Variants in PLGRKT observed in about 807,000 individuals in gnomAD.
PLGRKT encodes the protein plasminogen receptor (KT).
A neutral mutation model predicts 18.5 loss-of-function variants in PLGRKT; 22 were observed. That is an observed-to-expected ratio of 1.19 (90% confidence interval 0.85 to 1.70). PLGRKT has a LOEUF of 1.70. Ranked by LOEUF, PLGRKT falls within the 40% of genes most tolerant of loss-of-function variation. The probability of loss-of-function intolerance (pLI) is 0.00; values close to 1 mark genes in which losing one functional copy is unlikely to be tolerated. For synonymous variants in PLGRKT, 72 were observed against 52.8 expected (o/e 1.36, Z -1.58); for missense variants, 235 against 174.4 (o/e 1.35, Z -1.96).
chr9:5,367,560 C>G (rs1160408551), intron 3 of PLGRKT, among the ~76,000 whole-genome samples: 1 of 152,078 alleles, frequency 6.6e-6, no homozygotes, highest in Non-Finnish European at 1.5e-5. Flanking sequence ...AAAATGGACC[C>G]CTACCTATCA....
intron 5 of PLGRKT, among the ~76,000 whole-genome samples, chr9:5,359,428 C>A (rs1817212550): frequency 6.6e-6 from 1 of 152,134 alleles, no homozygotes; most frequent in African/African-American, 2.4e-5. Context: ...GCATTTCAAT[C>A]ATCTGCAAAT....
rs146130552 is a variant in PLGRKT, at chr9:5,400,729, G to A, written c.81+31168C>T. Among the ~76,000 whole-genome samples, 127 of 152,040 alleles carry A rather than the reference G, an allele frequency of 8.4e-4. No homozygotes were observed. In the East Asian group the frequency reaches 0.018, roughly 22 times the overall value. On this transcript the variant is annotated intron_variant, in intron 3 of 5. Coordinates refer to ENST00000223864, the MANE Select transcript of PLGRKT (RefSeq NM_018465.4). ...TGAATAGTACAGAGGCTGGCATATT[G>A]TTATTGTTTAATAAGCATTGAATAA...
rs370212099 is a variant in PLGRKT at position 5,418,649 on chromosome 9, C to T, written c.81+13248G>A. On this transcript the variant is annotated intron_variant, in intron 3 of 5. Coordinates refer to ENST00000223864, the MANE Select transcript of PLGRKT (RefSeq NM_018465.4). The surrounding 1 kb of genome is among the most constrained non-coding windows in gnomAD (Gnocchi z 4.2). ...CGGCTCATATCTCCGGGCAGCAGCG[C>T]GTGCTCCTTGGAGATGGGCAGGGGC... 4.2e-5 allele frequency: 29 copies of T among 688,900 alleles called. 1 individual carries two copies. Among genetic ancestry groups the T allele is most frequent in the Middle Eastern group, 2.5e-4 (1 of 4,066 alleles). The allele number at this position is 688,900 out of a possible 1,614,324, so 42.7% of individuals were successfully genotyped here.
At chr9:5,388,033 G>C (rs993107197) in intron 3 of PLGRKT, among the ~76,000 whole-genome samples, 2 of 151,938 alleles carry the variant, frequency 1.3e-5, no homozygotes, top group Non-Finnish European at 2.9e-5. Flanking sequence ...GCAGTCTGTA[G>C]TTATGGCCAA....
chr9:5,378,158 G>A (rs1228986714), intron 3 of PLGRKT, among the ~76,000 whole-genome samples: 1 of 152,182 alleles, frequency 6.6e-6, no homozygotes, highest in African/African-American at 2.4e-5. Flanking sequence ...GCAACCAAGG[G>A]CTACCAGACA....
intron 3 of PLGRKT, among the ~76,000 whole-genome samples, chr9:5,370,129 C>T (rs1301973531): frequency 6.6e-6 from 1 of 151,778 alleles, no homozygotes; most frequent in African/African-American, 2.4e-5. Context: ...TAAAAGGAAG[C>T]TAGCATATCA....
chr9:5,419,867 C>G (rs901005614), intron 3 of PLGRKT, among the ~76,000 whole-genome samples: 1 of 152,210 alleles, frequency 6.6e-6, no homozygotes, highest in African/African-American at 2.4e-5. Context: ...AACTCCATTA[C>G]TAGGTATATA....
At chr9:5,411,244 C>T (rs1400278749) in intron 3 of PLGRKT, among the ~76,000 whole-genome samples, 1 of 151,706 alleles carries the variant, frequency 6.6e-6, no homozygotes, top group East Asian at 1.9e-4. Flanking sequence ...ATTAGCCGGG[C>T]CACAGTGGCA....
intron 4 of PLGRKT, 39 bp from the exon 5 acceptor site, chr9:5,361,226 T>C (rs201909330): frequency 5.8e-6 from 7 of 1,206,944 alleles, no homozygotes; most frequent in Non-Finnish European, 8.5e-6. Context: ...TATCAAAAAA[T>C]AACCTGTAAA....
intron 3 of PLGRKT, among the ~76,000 whole-genome samples, chr9:5,367,735 C>G (rs747598528): frequency 6.6e-6 from 1 of 152,096 alleles, no homozygotes; most frequent in Non-Finnish European, 1.5e-5. Context: ...CAAAAATTGA[C>G]AAATGTTACC....
intron 3 of PLGRKT, among the ~76,000 whole-genome samples, chr9:5,407,973 T>C (rs1299936161): frequency 6.6e-6 from 1 of 152,202 alleles, no homozygotes; most frequent in Non-Finnish European, 1.5e-5. Context: ...CATTGCCTAA[T>C]CTGTATATAG....
At chr9:5,397,428 A>G (rs1818071432) in intron 3 of PLGRKT, among the ~76,000 whole-genome samples, 2 of 151,904 alleles carry the variant, frequency 1.3e-5, no homozygotes, top group Admixed American at 6.5e-5. Context: ...TGTCATTTCT[A>G]TTAAACGTAG....
At position 5,367,067 on chromosome 9, in the gene PLGRKT, A is replaced by C. The variant is rs756829540; in HGVS notation, c.82-5179T>G. On this transcript the variant is annotated intron_variant, in intron 3 of 5. Coordinates refer to ENST00000223864, the MANE Select transcript of PLGRKT (RefSeq NM_018465.4). ...CACACACACACACACACACACACAC[A>C]CCCCTAGGAATGAAAGAAATCAGAG... is the stretch of plus-strand genomic sequence containing the variant. 8.3e-3 allele frequency among the ~76,000 whole-genome samples: 1,147 copies of C among 138,946 alleles called. 14 individuals carry two copies. Among genetic ancestry groups the C allele is most frequent in the African/African-American group, 0.027 (1,063 of 39,118 alleles). The allele number at this position is 138,946 out of a possible 152,430, so 91.2% of individuals were successfully genotyped here.
At chr9:5,428,087 G>A (rs1325773524) in intron 3 of PLGRKT, among the ~76,000 whole-genome samples, 1 of 152,288 alleles carries the variant, frequency 6.6e-6, no homozygotes, top group Non-Finnish European at 1.5e-5. Context: ...ACAAGGCGAC[G>A]TGGCGATGGC....
intron 5 of PLGRKT, among the ~76,000 whole-genome samples, chr9:5,360,325 G>C (rs7857194): frequency 0.61 from 93,158 of 152,090 alleles, 29,009 homozygotes; most frequent in African/African-American, 0.71. Flanking sequence ...TTGGCAAACT[G>C]TCTTAAAGGG....
chr9:5,433,793 T>C (rs2104174), intron 2 of PLGRKT, among the ~76,000 whole-genome samples: 62,556 of 99,488 alleles, frequency 0.63, 19,459 homozygotes, highest in Non-Finnish European at 0.68. Flanking sequence ...TGCCTCTGCC[T>C]GGCTGCCCCG....
chr9:5,415,109 T>C (rs1818433980), intron 3 of PLGRKT, among the ~76,000 whole-genome samples: 1 of 152,110 alleles, frequency 6.6e-6, no homozygotes. Context: ...ATTCCAGGCC[T>C]GGAGCAGGAA....
intron 2 of PLGRKT, among the ~76,000 whole-genome samples, chr9:5,432,233 C>A (rs1043727312): frequency 6.6e-6 from 1 of 152,188 alleles, no homozygotes; most frequent in Non-Finnish European, 1.5e-5. Flanking sequence ...CAAAATCCTT[C>A]CCTGCTCTAT....
chr9:5,424,256 C>T (rs879898699), intron 3 of PLGRKT, among the ~76,000 whole-genome samples: 52 of 135,232 alleles, frequency 3.8e-4, no homozygotes, highest in Non-Finnish European at 2.6e-4. Context: ...AGTATATATA[C>T]ACTATATGTC....
Sources: gnomAD v4.1 joint callset for allele counts (sites outside exome capture counted in the v4.1 genomes callset) on GRCh38, gnomAD v4.1.1 for gene constraint, Gnocchi (gnomAD v3.1) non-coding constraint, MANE v1.5 for transcripts, NCBI Gene and HGNC (gene_info 2026-07-23, HGNC 2026-07-21) for gene names.